The following ELOVL2 variants were observed in gnomAD, a reference collection of about 807,000 sequenced individuals.
ELOVL2 encodes very long chain fatty acid elongase 2.
A neutral mutation model predicts 37.7 loss-of-function variants in ELOVL2; 38 were observed. The observed-to-expected ratio is 1.01, with a 90% CI of 0.78 to 1.32. The LOEUF (loss-of-function observed/expected upper bound fraction) is 1.32. ELOVL2 is among the 40% of genes most tolerant of loss of function. The pLI is 0.00. For missense variants in ELOVL2, 352 were observed against 363.6 expected, an observed-to-expected ratio of 0.97 and a Z score of 0.26; for synonymous variants, 115 against 122.3, an observed-to-expected ratio of 0.94 and a Z score of 0.40.
chr6:11,014,665 T>C (rs1445432886), intron 1 of ELOVL2, among the ~76,000 whole-genome samples: 1 of 151,652 alleles, frequency 6.6e-6, no homozygotes, highest in Non-Finnish European at 1.5e-5. Context: ...ATACTATATG[T>C]ACTTGTACAT....
At chr6:11,003,265 A>C (rs1199452393) in intron 3 of ELOVL2, among the ~76,000 whole-genome samples, 1 of 152,130 alleles carries the variant, frequency 6.6e-6, no homozygotes, top group Non-Finnish European at 1.5e-5. Flanking sequence ...TTTAAGCCCC[A>C]CATGCATTAG....
intron 5 of ELOVL2, among the ~76,000 whole-genome samples, chr6:10,994,339 G>A (rs1214527863): frequency 6.6e-6 from 1 of 151,422 alleles, no homozygotes; most frequent in African/African-American, 2.4e-5. Flanking sequence ...GTGGTGGTGG[G>A]CGCCTGTAAT....
intron 2 of ELOVL2, among the ~76,000 whole-genome samples, chr6:11,005,895 T>A (rs1014914021): frequency 2.0e-5 from 3 of 151,806 alleles, no homozygotes; most frequent in Non-Finnish European, 4.4e-5. Flanking sequence ...TTATGCAATT[T>A]TATGGATGGA....
intron 2 of ELOVL2, among the ~76,000 whole-genome samples, chr6:11,010,023 CTT>C (rs150370092): frequency 1.7e-4 from 23 of 132,954 alleles, no homozygotes; most frequent in Admixed American, 2.3e-4. Context: ...GCGCACACAT[CTT>C]TTTTTTTTTT....
At position 10,983,772 on chromosome 6, in the gene ELOVL2, T is replaced by A. The variant is rs1781987813; in HGVS notation, c.*9A>T. The A allele has an allele frequency of 1.3e-6, 2 of 1,597,964 alleles. No homozygotes were observed. The highest frequency in any genetic ancestry group is 8.5e-7 in the Non-Finnish European group (1 of 1,174,342). On this transcript the variant is annotated 3_prime_UTR_variant, in exon 8 of 8. Coordinates refer to ENST00000354666, the MANE Select transcript of ELOVL2 (RefSeq NM_017770.4). ...AGGCTAGTATATGTGCTTTTTCTGT[T>A]ACTCATTTTTATTGTGCTTTCTTGT...
chr6:11,037,750 T>C (rs368369959), intron 1 of ELOVL2, among the ~76,000 whole-genome samples: 12 of 152,234 alleles, frequency 7.9e-5, no homozygotes, highest in African/African-American at 2.9e-4. Context: ...TGGATTAAGT[T>C]TGATAAGTAC....
chr6:11,005,689 T>G, intron 2 of ELOVL2, 130 bp from the exon 3 acceptor site: 1 of 744,046 alleles, frequency 1.3e-6, no homozygotes, highest in Non-Finnish European at 2.1e-6. Flanking sequence ...TTAGGTAGGC[T>G]GGCCTGGGTT....
At chr6:11,006,559 ATT>A (rs889142140) in intron 2 of ELOVL2, among the ~76,000 whole-genome samples, 5 of 152,100 alleles carry the variant, frequency 3.3e-5, no homozygotes, top group Admixed American at 1.3e-4. Context: ...CTTTTCTTGA[ATT>A]TTTTGTTTTC....
intron 1 of ELOVL2, chr6:11,043,438 A>G (rs899128670): frequency 3.3e-5 from 2 of 60,142 alleles, no homozygotes; most frequent in Non-Finnish European, 6.1e-5. Context: ...CACACAGCTT[A>G]CTGTCAGGCA....
chr6:10,988,126 A>C (rs961733445), intron 7 of ELOVL2, among the ~76,000 whole-genome samples: 1 of 152,230 alleles, frequency 6.6e-6, no homozygotes, highest in Non-Finnish European at 1.5e-5. Context: ...ACACCCACAC[A>C]TAGCTTTGTT....
intron 1 of ELOVL2, among the ~76,000 whole-genome samples, chr6:11,034,875 C>T (rs143851776): frequency 4.0e-5 from 6 of 151,504 alleles, no homozygotes; most frequent in Non-Finnish European, 5.9e-5. Flanking sequence ...TGGTGGCATG[C>T]GCCTGTAATC....
intron 5 of ELOVL2, among the ~76,000 whole-genome samples, chr6:10,993,694 G>A (rs1483407926): frequency 6.6e-6 from 1 of 151,660 alleles, no homozygotes; most frequent in Admixed American, 6.6e-5. Flanking sequence ...TTTTTGTTTT[G>A]TTTTGTTTTT....
At chr6:10,991,115 C>A (rs1782151316) in intron 5 of ELOVL2, among the ~76,000 whole-genome samples, 1 of 152,242 alleles carries the variant, frequency 6.6e-6, no homozygotes, top group Non-Finnish European at 1.5e-5. Context: ...TAACTGCCTC[C>A]ACCATAGGTG....
intron 7 of ELOVL2, among the ~76,000 whole-genome samples, chr6:10,986,439 G>T (rs1485519303): frequency 6.6e-6 from 1 of 152,188 alleles, no homozygotes; most frequent in Non-Finnish European, 1.5e-5. Context: ...TTTTCAAAGG[G>T]AATGCTTCCA....
intron 1 of ELOVL2, among the ~76,000 whole-genome samples, chr6:11,030,685 G>A (rs1173799838): frequency 1.3e-5 from 2 of 151,652 alleles, no homozygotes; most frequent in Admixed American, 6.6e-5. Flanking sequence ...GTAGAGATGG[G>A]GTTTCACTGT....
At chr6:11,000,201 C>G (rs781023808) in intron 3 of ELOVL2, 37 bp from the exon 4 acceptor site, 1 of 1,583,166 alleles carries the variant, frequency 6.3e-7, no homozygotes, top group Non-Finnish European at 8.7e-7. Flanking sequence ...AAACAAACAT[C>G]AGCACAAGAA....
intron 1 of ELOVL2, among the ~76,000 whole-genome samples, chr6:11,012,770 C>A (rs1782606686): frequency 6.6e-6 from 1 of 152,130 alleles, no homozygotes; most frequent in Non-Finnish European, 1.5e-5. Flanking sequence ...TTTATTGATT[C>A]ATTAACCAAT....
chr6:11,037,044 G>C (rs145169620), intron 1 of ELOVL2, among the ~76,000 whole-genome samples: 1 of 139,942 alleles, frequency 7.1e-6, no homozygotes, highest in Non-Finnish European at 1.5e-5. Context: ...CAGAGGAAGA[G>C]AGGCAGAGAG....
intron 1 of ELOVL2, among the ~76,000 whole-genome samples, chr6:11,013,984 C>G (rs60583014): frequency 0.025 from 3,841 of 152,192 alleles, 159 homozygotes; most frequent in African/African-American, 0.086. Context: ...GCGAAATAAC[C>G]CTAGATCCAC....
Sources: gnomAD v4.1 joint callset for allele counts (sites outside exome capture counted in the v4.1 genomes callset) on GRCh38, gnomAD v4.1.1 for gene constraint, MANE v1.5 for transcripts, NCBI Gene and HGNC (gene_info 2026-07-23, HGNC 2026-07-21) for gene names.